The following ZNF497 variants were observed in gnomAD, a reference collection of about 807,000 sequenced individuals.
The protein encoded by ZNF497 is zinc finger-like protein.
For synonymous variants in ZNF497, 422 were observed against 313.7 expected, an observed-to-expected ratio of 1.35 and a Z score of -3.65; for missense variants, 930 against 714.0, an observed-to-expected ratio of 1.30 and a Z score of -3.45.
Position 58,355,394 on chromosome 19 carries a change from C to G in ZNF497, c.*745G>C, listed in dbSNP as rs1193094217. ...GGTGTAGTGACGCAAGTCTGTCATCCCAGCTGCTTGGGAGGCTGAGGTGGG... is the reference window on the plus strand; with the variant it reads ...GGTGTAGTGACGCAAGTCTGTCATCGCAGCTGCTTGGGAGGCTGAGGTGGG... On this transcript the variant is annotated 3_prime_UTR_variant, in exon 3 of 3. Coordinates refer to ENST00000311044, the MANE Select transcript of ZNF497 (RefSeq NM_198458.3). The G allele has an allele frequency of 6.6e-6, 1 of 152,122 alleles. No homozygotes were observed. Among genetic ancestry groups the G allele is most frequent in the African/African-American group, 2.4e-5 (1 of 41,398 alleles). The allele number at this position is 152,122 out of a possible 1,614,324, so 9.4% of individuals were successfully genotyped here.
At chr19:58,357,705 AGGG>A in intron 2 of ZNF497, 56 bp from the exon 3 acceptor site, 1 of 1,452,532 alleles carries the variant, frequency 6.9e-7, no homozygotes, top group Non-Finnish European at 9.1e-7. Flanking sequence ...CACCAGACAG[AGGG>A]CCTGAGGGGG....
In ZNF497 at chr19:58,355,956, G is replaced by C. The variant is rs1186997744; in HGVS notation, c.*183C>G. On this transcript the variant is annotated 3_prime_UTR_variant, in exon 3 of 3. Coordinates refer to ENST00000311044, the MANE Select transcript of ZNF497 (RefSeq NM_198458.3). ...GTCCCCAGACAGGCCTGGGTGGCCG[G>C]TGGACTATCGTCAAAGGGACTGTGC... 1 of 662,354 alleles carries C rather than the reference G, an allele frequency of 1.5e-6. No homozygotes were observed. Among genetic ancestry groups the C allele is most frequent in the Admixed American group, 3.4e-5 (1 of 29,698 alleles). The allele number at this position is 662,354 out of a possible 1,614,324, so 41.0% of individuals were successfully genotyped here.
Position 58,356,874 on chromosome 19 carries a change from G to A in ZNF497, c.762C>T (p.Ala254=), listed in dbSNP as rs1290384784. ...CGGCCAGGTTGGAGCTCTGGCTGAA[G>A]GCCTTGCCACAGTCCCGGCAGGCGT... ...RPHACRDCGK[A]FSQSSNLAEH... The change falls in exon 3 of 3, where the codon GCC becomes GCT. Residue 254 remains alanine, a synonymous_variant. Transcript: ENST00000311044. 8.2e-6 allele frequency: 13 copies of A among 1,591,908 alleles called. No homozygotes were observed. Among genetic ancestry groups the A allele is most frequent in the Non-Finnish European group, 1.1e-5 (13 of 1,174,020 alleles).
intron 1 of ZNF497, among the ~76,000 whole-genome samples, chr19:58,359,888 C>T (rs1023536315): frequency 6.6e-6 from 1 of 151,810 alleles, no homozygotes; most frequent in African/African-American, 2.4e-5. Context: ...CAGAGAACTG[C>T]TTGAACCCGG....
intron 1 of ZNF497, among the ~76,000 whole-genome samples, chr19:58,360,447 G>A (rs2052078961): frequency 6.6e-6 from 1 of 151,802 alleles, no homozygotes; most frequent in Non-Finnish European, 1.5e-5. Flanking sequence ...CATCTCCCAG[G>A]CTCAAGCCAT....
chr19:58,358,522 C>A lies in ZNF497; in HGVS notation c.-48G>T. Reference sequence around the variant, plus strand: ...GGGGCCTGGAAGGGGCCCAGGGGAGCCTCTTGCTCCTCTCCCTCCTCTGTC... The same window carrying A: ...GGGGCCTGGAAGGGGCCCAGGGGAGACTCTTGCTCCTCTCCCTCCTCTGTC... On this transcript the variant is annotated 5_prime_UTR_variant, in exon 2 of 3. Coordinates refer to ENST00000311044, the MANE Select transcript of ZNF497 (RefSeq NM_198458.3). 1 of 1,183,018 alleles carries A rather than the reference C, an allele frequency of 8.5e-7. No homozygotes were observed. The highest frequency in any genetic ancestry group is 1.6e-5 in the African/African-American group (1 of 62,444). The allele number at this position is 1,183,018 out of a possible 1,614,324, so 73.3% of individuals were successfully genotyped here.
At position 58,357,117 on chromosome 19, in the gene ZNF497, C is replaced by G; in HGVS notation, c.519G>C (p.Ala173=). ...CCTGGTGGTGGATGAGCTGCGAGTGCGCGCGGAAGGCCTTGCCGCACTCCC... is the reference window on the plus strand; with the variant it reads ...CCTGGTGGTGGATGAGCTGCGAGTGGGCGCGGAAGGCCTTGCCGCACTCCC... ...ACRECGKAFR[A]HSQLIHHQET... is the part of the protein sequence containing the mutation. Residue 173 remains alanine, a synonymous_variant, in exon 3 of 3, where the codon GCG becomes GCC. Coordinates refer to ENST00000311044, the MANE Select transcript of ZNF497 (RefSeq NM_198458.3). The G allele has an allele frequency of 1.2e-6, 2 of 1,608,900 alleles. No individual in the cohort carries two copies. The highest frequency in any genetic ancestry group is 1.7e-6 in the Non-Finnish European group (2 of 1,176,514).
At position 58,356,013 on chromosome 19, in the gene ZNF497, T is replaced by C. The variant is rs1039269261; in HGVS notation, c.*126A>G. 8 of 1,127,356 alleles carry C rather than the reference T, an allele frequency of 7.1e-6. No homozygotes were observed. The highest frequency in any genetic ancestry group is 9.7e-6 in the Non-Finnish European group (8 of 824,062). The allele number at this position is 1,127,356 out of a possible 1,614,324, so 69.8% of individuals were successfully genotyped here. A position where few individuals can be genotyped will look rare whatever the true frequency, so the allele number is the denominator to read the frequency against. On this transcript the variant is annotated 3_prime_UTR_variant, in exon 3 of 3. Coordinates refer to ENST00000311044, the MANE Select transcript of ZNF497 (RefSeq NM_198458.3). Reference sequence around the variant, plus strand: ...GGTTCTCCACACCCAAGGCCGCCCCTGCACTCCCAGCAGGAGGGCGCCCGC... The same window carrying C: ...GGTTCTCCACACCCAAGGCCGCCCCCGCACTCCCAGCAGGAGGGCGCCCGC...
intron 1 of ZNF497, chr19:58,359,659 C>A (rs144049625): frequency 0.013 from 4,491 of 342,928 alleles, 67 homozygotes; most frequent in South Asian, 0.029. Context: ...TCCTGTTTGT[C>A]CCCTCCAGGA....
At chr19:58,359,562 T>TGTCTC (rs1568560425) in intron 1 of ZNF497, 1 of 429,926 alleles carries the variant, frequency 2.3e-6, no homozygotes, top group Admixed American at 2.5e-5. Flanking sequence ...TGCCCTGCCC[T>TGTCTC]GTCTCCTTGG....
chr19:58,358,898 C>A, intron 1 of ZNF497: 1 of 455,672 alleles, frequency 2.2e-6, no homozygotes, highest in South Asian at 1.6e-5. Flanking sequence ...CCAGCCCCCA[C>A]TCATCTGGAG....
In ZNF497 at chr19:58,357,133, C is replaced by G. The variant is rs767387400; in HGVS notation, c.503G>C (p.Gly168Ala). The change falls in exon 3 of 3, where the codon GGC becomes GCC. Residue 168 changes from glycine to alanine, a missense_variant. By Grantham distance (60) the Gly-to-Ala change is moderately conservative. Transcript: ENST00000311044. Reference protein sequence around the residue: ...GEKPYACRECGKAFRAHSQLI... With the variant: ...GEKPYACRECAKAFRAHSQLI... ...CTGCGAGTGCGCGCGGAAGGCCTTG[C>G]CGCACTCCCTGCAAGCGTAGGGCTT... 25 of 1,602,322 alleles carry G rather than the reference C, an allele frequency of 1.6e-5. No homozygotes were observed. The South Asian group carries it at 2.1e-4, about 13-fold the overall frequency.
chr19:58,358,365 A>G, intron 2 of ZNF497, 124 bp downstream of exon 2: 1 of 1,217,478 alleles, frequency 8.2e-7, no homozygotes, highest in Non-Finnish European at 1.1e-6. Flanking sequence ...GATCCTTCCC[A>G]CAGCGAAGTC....
Position 58,356,020 on chromosome 19 carries a change from C to G in ZNF497, c.*119G>C, listed in dbSNP as rs964845791. The G allele has an allele frequency of 5.3e-5, 65 of 1,227,784 alleles. No individual in the cohort carries two copies. In the East Asian group the frequency reaches 1.5e-3, roughly 29 times the overall value. 76.1% of individuals were successfully genotyped at this position (1,227,784 alleles called of 1,614,324 possible). A position where few individuals can be genotyped will look rare whatever the true frequency, so the allele number is the denominator to read the frequency against. On this transcript the variant is annotated 3_prime_UTR_variant, in exon 3 of 3. Coordinates refer to ENST00000311044, the MANE Select transcript of ZNF497 (RefSeq NM_198458.3). ...CACACCCAAGGCCGCCCCTGCACTCCCAGCAGGAGGGCGCCCGCACCGGCG... is the reference window on the plus strand; with the variant it reads ...CACACCCAAGGCCGCCCCTGCACTCGCAGCAGGAGGGCGCCCGCACCGGCG...
rs992333426 is a variant in ZNF497 at position 58,355,885 on chromosome 19, G to A, written c.*254C>T. The stretch of plus-strand genomic sequence containing the variant: ...CCTCTGCATGGACGAACCTCTCGCC[G>A]AAGTGGAGCCTGCCGCCCTCCCTGG... On this transcript the variant is annotated 3_prime_UTR_variant, in exon 3 of 3. Coordinates refer to ENST00000311044, the MANE Select transcript of ZNF497 (RefSeq NM_198458.3). The A allele has an allele frequency of 4.5e-5, 21 of 462,212 alleles. No individual in the cohort carries two copies. Among genetic ancestry groups the A allele is most frequent in the Non-Finnish European group, 7.9e-5 (21 of 264,676 alleles). 28.6% of individuals were successfully genotyped at this position (462,212 alleles called of 1,614,324 possible).
intron 2 of ZNF497, chr19:58,357,865 C>T: frequency 7.5e-7 from 1 of 1,328,170 alleles, no homozygotes; most frequent in South Asian, 1.8e-5. Flanking sequence ...CCTGACAGGG[C>T]CACGTGCACA....
chr19:58,356,953 C>A lies in ZNF497; in HGVS notation c.683G>T (p.Ser228Ile). ...YECPECGKAF[S>I]WNSNFLEHRR... ...GTGCTCCAGGAAATTGGAGTTCCAG[C>A]TGAAGGCCTTGCCGCACTCCGGGCA... The change falls in exon 3 of 3, where the codon AGC becomes ATC. Residue 228 changes from serine (S) to isoleucine (I), a missense_variant. Physicochemically the swap from Ser to Ile is moderately radical, Grantham distance 142 (BLOSUM62 -2). Coordinates refer to ENST00000311044, the MANE Select transcript of ZNF497 (RefSeq NM_198458.3). 6.2e-7 allele frequency: 1 copy of A among 1,604,264 alleles called. No individual in the cohort carries two copies. The highest frequency in any genetic ancestry group is 8.5e-7 in the Non-Finnish European group (1 of 1,177,594).
chr19:58,359,370 TC>T, intron 1 of ZNF497: 1 of 803,382 alleles, frequency 1.2e-6, no homozygotes, highest in Non-Finnish European at 1.8e-6. Flanking sequence ...GCCACGAAGG[TC>T]CCCTCCTTGG....
intron 1 of ZNF497, among the ~76,000 whole-genome samples, chr19:58,361,698 G>C (rs1198106150): frequency 6.6e-6 from 1 of 152,172 alleles, no homozygotes; most frequent in Non-Finnish European, 1.5e-5. Context: ...ATTGGGTAAA[G>C]CGTACATAGG....
Sources: allele counts gnomAD v4.1 joint callset (sites outside exome capture counted in the v4.1 genomes callset), GRCh38; gene constraint gnomAD v4.1.1; transcripts MANE v1.5; gene names NCBI Gene and HGNC (gene_info 2026-07-23, HGNC 2026-07-21).